Variants in H6PD observed in about 807,000 individuals in gnomAD.
H6PD encodes the protein hexose-6-phosphate dehydrogenase/glucose 1-dehydrogenase.
Under a neutral mutation model 61.2 loss-of-function variants are expected in H6PD, and 48 were observed. The observed-to-expected ratio is 0.78, with a 90% confidence interval of 0.62 to 1.00. The LOEUF (loss-of-function observed/expected upper bound fraction) is 1.00. H6PD is among the 50% of genes least tolerant of loss of function. The pLI, the probability that H6PD is intolerant of heterozygous loss-of-function variation, is 0.00. For missense variants in H6PD, 1,093 were observed against 1,065.0 expected, an observed-to-expected ratio of 1.03 and a Z score of -0.37; for synonymous variants, 480 against 457.9, an observed-to-expected ratio of 1.05 and a Z score of -0.62.
chr1:9,264,867 T>A lies in H6PD; in HGVS notation c.2374T>A (p.Ter792ArgextTer122). The A allele has an allele frequency of 6.2e-7, 1 of 1,611,286 alleles. No homozygotes were observed. Among genetic ancestry groups the A allele is most frequent in the Non-Finnish European group, 8.5e-7 (1 of 1,179,970 alleles). Residue 792 changes from the stop codon to arginine (R), a stop_lost, in exon 5 of 5, where the codon TGA becomes AGA. Transcript: ENST00000377403. ...WYMDYDAFLG* is the reference protein window; with the variant it reads ...WYMDYDAFLGR ...CATGGACTACGACGCCTTCCTGGGA[T>A]GAGGGCGCCTGTGCCCCTTGCCCGC...
At chr1:9,257,963 C>T (rs529853585) in intron 3 of H6PD, among the ~76,000 whole-genome samples, 3 of 152,362 alleles carry the variant, frequency 2.0e-5, no homozygotes, top group South Asian at 2.1e-4. Context: ...AATCAGTGCT[C>T]ACCGGGGTTC....
At position 9,264,373 on chromosome 1, in the gene H6PD, C is replaced by G. The variant is rs769215400; in HGVS notation, c.1880C>G (p.Ser627Ter). The change falls in exon 5 of 5, where the codon TCA (serine) becomes TGA (stop). Residue 627 changes from serine to a stop codon, truncating the protein, a stop_gained. Transcript: ENST00000377403. LOFTEE classifies it high-confidence loss of function. ...GTTGACGAGCGCTGCGTCCCACTCT[C>G]AGACCCGGAGTCCAACTTCCAGGGC... ...WLVDERCVPL[S>*]DPESNFQGLQ... is the part of the protein sequence containing the mutation. 3 of 1,612,946 alleles carry G rather than the reference C, an allele frequency of 1.9e-6. No individual in the cohort carries two copies. Among genetic ancestry groups the G allele is most frequent in the South Asian group, 1.1e-5 (1 of 91,092 alleles).
intron 1 of H6PD, chr1:9,239,932 T>A (rs1640949369): frequency 8.6e-7 from 1 of 1,162,322 alleles, no homozygotes; most frequent in East Asian, 3.2e-5. Context: ...CCTCTTCCGC[T>A]TGTGTGAGAA....
chr1:9,266,545 T>A lies in H6PD; in HGVS notation c.*1676T>A, dbSNP rs1638566775. 2 of 152,212 alleles carry A rather than the reference T, an allele frequency of 1.3e-5. No individual in the cohort carries two copies. The allele number at this position is 152,212 out of a possible 1,614,324, so 9.4% of individuals were successfully genotyped here. ...ACTTAAGGCTGGGAGATGGAACTCTTGGTTAAGGTCGATTTTTCTGTCTGG... is the reference window on the plus strand; with the variant it reads ...ACTTAAGGCTGGGAGATGGAACTCTAGGTTAAGGTCGATTTTTCTGTCTGG... On this transcript the variant is annotated 3_prime_UTR_variant, in exon 5 of 5. Coordinates refer to ENST00000377403, the MANE Select transcript of H6PD (RefSeq NM_004285.4).
In H6PD at chr1:9,246,852, G is replaced by A; in HGVS notation, c.628-114G>A. The A allele has an allele frequency of 5.0e-6, 4 of 800,556 alleles. No homozygotes were observed. In the Admixed American group the frequency reaches 6.8e-5, roughly 14 times the overall value. The allele number at this position is 800,556 out of a possible 1,614,324, so 49.6% of individuals were successfully genotyped here. ...TGAAGTCCAGAACTACTGCTCAGAG[G>A]GCATCTTCTGCTCTGAGCAGGGAAT... On this transcript the variant is annotated intron_variant, in intron 2 of 4. Coordinates refer to ENST00000377403, the MANE Select transcript of H6PD (RefSeq NM_004285.4).
chr1:9,262,229 G>T lies in H6PD; in HGVS notation c.916G>T (p.Gly306Cys), dbSNP rs771783790. Residue 306 changes from glycine to cysteine, a missense_variant, in exon 4 of 5, where the codon GGC (glycine) becomes TGC (cysteine). Gly to Cys is a radical substitution (Grantham distance 159). Coordinates refer to ENST00000377403, the MANE Select transcript of H6PD (RefSeq NM_004285.4). The part of the protein sequence containing the change: ...VFQALRGLQR[G>C]SAVVGQYQSY... ...CCAGGCGCTGCGGGGCCTGCAGAGGGGCAGTGCCGTCGTGGGCCAGTACCA... is the reference window on the plus strand; with the variant it reads ...CCAGGCGCTGCGGGGCCTGCAGAGGTGCAGTGCCGTCGTGGGCCAGTACCA... The T allele has an allele frequency of 1.9e-6, 3 of 1,613,698 alleles. No individual in the cohort carries two copies. Among genetic ancestry groups the T allele is most frequent in the Non-Finnish European group, 2.5e-6 (3 of 1,179,832 alleles).
Position 9,262,250 on chromosome 1 carries a change from T to G in H6PD, c.937T>G (p.Tyr313Asp), listed in dbSNP as rs752143598. The G allele has an allele frequency of 2.5e-6, 4 of 1,612,832 alleles. No homozygotes were observed. The highest frequency in any genetic ancestry group is 3.4e-6 in the Non-Finnish European group (4 of 1,179,444). Residue 313 changes from tyrosine to aspartate, a missense_variant, in exon 4 of 5, where the codon TAC becomes GAC. By Grantham distance (160) the Tyr-to-Asp change is radical. Coordinates refer to ENST00000377403, the MANE Select transcript of H6PD (RefSeq NM_004285.4). ...LQRGSAVVGQ[Y>D]QSYSEQVRRE... ...GAGGGGCAGTGCCGTCGTGGGCCAGTACCAGTCTTACAGTGAGCAGGTGCG... is the reference window on the plus strand; with the variant it reads ...GAGGGGCAGTGCCGTCGTGGGCCAGGACCAGTCTTACAGTGAGCAGGTGCG...
chr1:9,263,230 T>C (rs1267694108), intron 4 of H6PD, among the ~76,000 whole-genome samples: 1 of 152,142 alleles, frequency 6.6e-6, no homozygotes, highest in African/African-American at 2.4e-5. Context: ...TTGGATGCTC[T>C]CAGCCCGGTT....
chr1:9,263,075 C>T (rs1638386116), intron 4 of H6PD, among the ~76,000 whole-genome samples: 1 of 152,114 alleles, frequency 6.6e-6, no homozygotes, highest in Non-Finnish European at 1.5e-5. Context: ...GCACCTCTGA[C>T]CCTGCGTCGG....
At position 9,264,739 on chromosome 1, in the gene H6PD, G is replaced by C; in HGVS notation, c.2246G>C (p.Arg749Thr). 6.2e-7 allele frequency: 1 copy of C among 1,613,290 alleles called. No homozygotes were observed. Among genetic ancestry groups the C allele is most frequent in the Admixed American group, 1.7e-5 (1 of 60,030 alleles). Residue 749 changes from arginine (R) to threonine (T), a missense_variant, in exon 5 of 5, where the codon AGG becomes ACG. Physicochemically the swap from Arg to Thr is moderately conservative, Grantham distance 71 (BLOSUM62 -1). Transcript: ENST00000377403. ...AKKVAVLVMG[R>T]MKREITTLVS... The stretch of plus-strand genomic sequence containing the variant: ...AAGGTGGCAGTCCTGGTCATGGGCA[G>C]GATGAAGCGTGAGATCACCACGCTG...
chr1:9,238,070 G>T (rs561935662), intron 1 of H6PD, among the ~76,000 whole-genome samples: 19 of 152,124 alleles, frequency 1.2e-4, no homozygotes, highest in Non-Finnish European at 2.4e-4. Flanking sequence ...GAGGATGGGG[G>T]TGGGCGGTTT....
chr1:9,248,693 TGG>T (rs1316953024), intron 3 of H6PD, among the ~76,000 whole-genome samples: 1 of 7,268 alleles, frequency 1.4e-4, no homozygotes, highest in African/African-American at 5.6e-4. Context: ...GGGGACAATG[TGG>T]GGGGTGGGCG....
At chr1:9,260,411 T>G (rs1641686754) in intron 3 of H6PD, among the ~76,000 whole-genome samples, 1 of 152,040 alleles carries the variant, frequency 6.6e-6, no homozygotes, top group Non-Finnish European at 1.5e-5. Flanking sequence ...TACGGTGGTG[T>G]TATGTTGTTA....
In H6PD at chr1:9,245,402, C is replaced by T; in HGVS notation, c.468C>T (p.Ile156=). 1 of 1,614,164 alleles carries T rather than the reference C, an allele frequency of 6.2e-7. No individual in the cohort carries two copies. Among genetic ancestry groups the T allele is most frequent in the East Asian group, 2.2e-5 (1 of 44,878 alleles). ...CCTATGAAGACATTGCCCGCAACAT[C>T]AACAGTAGCTGCCGGCCAGGCCCGG... The part of the protein sequence containing the change: ...PFAYEDIARN[I]NSSCRPGPGA... Residue 156 remains isoleucine, a synonymous_variant, in exon 2 of 5, where the codon ATC becomes ATT. Transcript: ENST00000377403. The surrounding 1 kb of genome is among the most constrained non-coding windows in gnomAD (Gnocchi z 4.8).
Position 9,234,819 on chromosome 1 carries a change from G to A in H6PD, c.-258G>A, listed in dbSNP as rs980402901. On this transcript the variant is annotated 5_prime_UTR_variant, in exon 1 of 5. Transcript: ENST00000377403. ...GGTGGAGGCCTGAGGCCTGAGGCCT[G>A]GGGCGGGGTGGCGGCCGGGCTGGCC... 1 of 147,438 alleles carries A rather than the reference G, an allele frequency of 6.8e-6. No homozygotes were observed. The highest frequency in any genetic ancestry group is 2.4e-5 in the African/African-American group (1 of 40,906). 9.1% of individuals were successfully genotyped at this position (147,438 alleles called of 1,614,324 possible). A position where few individuals can be genotyped will look rare whatever the true frequency, so the allele number is the denominator to read the frequency against.
intron 4 of H6PD, 60 bp from the exon 5 acceptor site, chr1:9,263,449 G>T (rs1267389863): frequency 1.9e-6 from 3 of 1,543,902 alleles, no homozygotes; most frequent in East Asian, 2.2e-5. Context: ...AGAGGAGAGG[G>T]CTGGCCGGAG....
chr1:9,269,548 C>G lies in H6PD; in HGVS notation c.*4679C>G, dbSNP rs1428495738. 1 of 152,206 alleles carries G rather than the reference C, an allele frequency of 6.6e-6. No individual in the cohort carries two copies. Among genetic ancestry groups the G allele is most frequent in the African/African-American group, 2.4e-5 (1 of 41,416 alleles). The allele number at this position is 152,206 out of a possible 1,614,324, so 9.4% of individuals were successfully genotyped here. ...CTGTAATAATCCTGCCTGCTTTTAC[C>G]TCTCGTCCACTGACCAGCAAGTGTG... On this transcript the variant is annotated 3_prime_UTR_variant, in exon 5 of 5. Transcript: ENST00000377403. This position sits in a 1 kb window ranked among gnomAD's most constrained non-coding sequence, Gnocchi z 4.3.
Position 9,245,000 on chromosome 1 carries a change from C to G in H6PD, c.66C>G (p.Leu22=). The G allele has an allele frequency of 6.2e-7, 1 of 1,614,122 alleles. No individual in the cohort carries two copies. ...TGGGCTGCCTGCAAGCCCAGGAGCT[C>G]CAGGGACATGTCTCCATAATCCTGC... ...ALLGCLQAQE[L]QGHVSIILLG... The change falls in exon 2 of 5, where the codon CTC becomes CTG. Residue 22 remains leucine, a synonymous_variant. Coordinates refer to ENST00000377403, the MANE Select transcript of H6PD (RefSeq NM_004285.4).
chr1:9,244,804 A>G, intron 1 of H6PD, 121 bp from the exon 2 acceptor site: 1 of 953,680 alleles, frequency 1.0e-6, no homozygotes, highest in Non-Finnish European at 1.7e-6. Flanking sequence ...GGCTTATAAC[A>G]TTTTCTTAAG....
Sources: allele counts gnomAD v4.1 joint callset (sites outside exome capture counted in the v4.1 genomes callset), GRCh38; gene constraint gnomAD v4.1.1; non-coding constraint Gnocchi (gnomAD v3.1); transcripts MANE v1.5; gene names NCBI Gene and HGNC (gene_info 2026-07-23, HGNC 2026-07-21).